MTUS1: variants seen among roughly 807,000 people sequenced by gnomAD.
MTUS1 encodes microtubule-associated tumor suppressor 1.
In MTUS1, 109 loss-of-function variants were observed where a neutral mutation model predicts 120.8. The observed-to-expected ratio is 0.90, with a 90% CI of 0.77 to 1.06. The LOEUF (loss-of-function observed/expected upper bound fraction) is 1.06. MTUS1 is among the 50% of genes least tolerant of loss of function. The pLI is 0.00. For synonymous variants in MTUS1, 737 were observed against 550.5 expected (o/e 1.34, Z -4.74); for missense variants, 2,210 against 1,486.3 (o/e 1.49, Z -8.01).
chr8:17,650,014 T>TTCTGTTAAGAATTTG, intron 12 of MTUS1, 52 bp from the exon 13 acceptor site: 1 of 942,154 alleles, frequency 1.1e-6, no homozygotes, highest in Non-Finnish European at 1.7e-6. Flanking sequence ...TTCAAATTCT[T>TTCTGTTAAGAATTTG]AACAGAAAGA....
At chr8:17,669,438 C>G (rs1044001188) in intron 8 of MTUS1, among the ~76,000 whole-genome samples, 5 of 151,606 alleles carry the variant, frequency 3.3e-5, no homozygotes, top group Admixed American at 3.3e-4. Context: ...GAAAGAGTGC[C>G]TAGACGTGAA....
At chr8:17,787,009 G>A (rs1273560603) in intron 1 of MTUS1, among the ~76,000 whole-genome samples, 1 of 152,218 alleles carries the variant, frequency 6.6e-6, no homozygotes, top group Non-Finnish European at 1.5e-5. Flanking sequence ...GACAAGCATT[G>A]TGGAGTGAGG....
upstream of MTUS1, chr8:17,801,342 C>G (rs1039030778): frequency 5.3e-5 from 8 of 151,878 alleles, no homozygotes; most frequent in African/African-American, 1.9e-4. Context: ...GCCTCCCGCC[C>G]CAACCCGGGG....
At chr8:17,674,388 C>G in intron 8 of MTUS1, 1 of 854,256 alleles carries the variant, frequency 1.2e-6, no homozygotes, top group Non-Finnish European at 1.4e-6. Flanking sequence ...CCACTGCACT[C>G]CAGTCTGGTG....
intron 1 of MTUS1, among the ~76,000 whole-genome samples, chr8:17,796,457 G>C (rs906784170): frequency 3.3e-5 from 5 of 152,266 alleles, no homozygotes; most frequent in East Asian, 1.9e-4. Context: ...TTCCAAGTTC[G>C]ACCTTGTTCA....
Position 17,723,439 on chromosome 8 carries a change from G to A in MTUS1, c.2449+233C>T, listed in dbSNP as rs377081382. On this transcript the variant is annotated intron_variant, in intron 4 of 14. Transcript: ENST00000693296. ...AAACCTCCAAAACACCATCACTTCA[G>A]ACGATGCACTTTCGAATCCTTCATG... is the stretch of plus-strand genomic sequence containing the variant. 9 of 566,306 alleles carry A rather than the reference G, an allele frequency of 1.6e-5. No individual in the cohort carries two copies. In the African/African-American group the frequency reaches 1.7e-4, roughly 11 times the overall value. 35.1% of individuals were successfully genotyped at this position (566,306 alleles called of 1,614,324 possible).
At chr8:17,684,807 C>G (rs996642072) in intron 6 of MTUS1, among the ~76,000 whole-genome samples, 23 of 152,096 alleles carry the variant, frequency 1.5e-4, no homozygotes, top group Non-Finnish European at 2.9e-5. Flanking sequence ...TTTGGCAACC[C>G]AGAAACACAA....
intron 8 of MTUS1, among the ~76,000 whole-genome samples, chr8:17,673,179 G>A (rs945436789): frequency 1.3e-5 from 2 of 152,192 alleles, no homozygotes; most frequent in East Asian, 1.9e-4. Flanking sequence ...AATCATAAGG[G>A]CTGCTGTCAA....
chr8:17,728,960 A>G (rs1042462469), intron 3 of MTUS1, among the ~76,000 whole-genome samples: 1 of 152,212 alleles, frequency 6.6e-6, no homozygotes, highest in Non-Finnish European at 1.5e-5. Context: ...AAGATTATTG[A>G]GGTCCATTTG....
At chr8:17,735,080 G>C (rs1022242983) in intron 3 of MTUS1, among the ~76,000 whole-genome samples, 3 of 152,006 alleles carry the variant, frequency 2.0e-5, no homozygotes, top group Non-Finnish European at 4.4e-5. Context: ...CACTGGGCCT[G>C]TCTCTTATAT....
intron 6 of MTUS1, chr8:17,708,849 C>G (rs1820677485): frequency 6.6e-6 from 1 of 152,098 alleles, no homozygotes; most frequent in South Asian, 2.1e-4. Context: ...GTTACGAATT[C>G]TGAGATAGCT....
At chr8:17,740,009 C>T (rs143552885) in intron 3 of MTUS1, among the ~76,000 whole-genome samples, 2,521 of 152,174 alleles carry the variant, frequency 0.017, 34 homozygotes, top group South Asian at 0.044. Flanking sequence ...AGTTCGAGAC[C>T]GGCCTGGCCA....
At chr8:17,685,476 TA>T (rs576891616) in intron 6 of MTUS1, among the ~76,000 whole-genome samples, 5,207 of 135,922 alleles carry the variant, frequency 0.038, 169 homozygotes, top group South Asian at 0.16. Context: ...CACAAGAAAC[TA>T]AAAAAAAAAA....
intron 4 of MTUS1, chr8:17,722,006 AAAT>A: frequency 1.5e-5 from 22 of 1,427,980 alleles, no homozygotes; most frequent in Admixed American, 8.4e-5. Flanking sequence ...AAAAAAAAAA[AAAT>A]GCGTAAGCTC....
Position 17,754,682 on chromosome 8 carries a change from C to A in MTUS1, c.1126G>T (p.Asp376Tyr), listed in dbSNP as rs377257691. ...TTTCCTTTGGAGACCATTTGTGTGT[C>A]TTCAGTCTCAGTGACTTTATGCTCT... The part of the protein sequence containing the change: ...NPEHKVTETE[D>Y]TQMVSKGKDL... Residue 376 changes from aspartate to tyrosine, a missense_variant, in exon 2 of 15, where the codon GAC (aspartate) becomes TAC (tyrosine). Asp to Tyr is a radical substitution (Grantham distance 160). Transcript: ENST00000693296. The A allele has an allele frequency of 6.2e-7, 1 of 1,614,206 alleles. No homozygotes were observed. Among genetic ancestry groups the A allele is most frequent in the South Asian group, 1.1e-5 (1 of 91,088 alleles).
chr8:17,725,738 C>G (rs1050428077), intron 3 of MTUS1, among the ~76,000 whole-genome samples: 5 of 152,194 alleles, frequency 3.3e-5, no homozygotes, highest in Non-Finnish European at 7.3e-5. Flanking sequence ...TAACCCAATA[C>G]AAATTCATAA....
At chr8:17,769,211 T>C (rs1204479587) in intron 1 of MTUS1, among the ~76,000 whole-genome samples, 1 of 144,824 alleles carries the variant, frequency 6.9e-6, no homozygotes, top group Admixed American at 7.2e-5. Context: ...CTCAAGTTCA[T>C]TCCAAAAAAT....
chr8:17,774,993 A>AAC (rs71215271), intron 1 of MTUS1, among the ~76,000 whole-genome samples: 4 of 148,618 alleles, frequency 2.7e-5, no homozygotes, highest in Non-Finnish European at 5.9e-5. Flanking sequence ...AAAAAAAAAA[A>AAC]CCAGAAAAGG....
intron 2 of MTUS1, among the ~76,000 whole-genome samples, chr8:17,752,402 T>C (rs1185942916): frequency 6.6e-6 from 1 of 152,174 alleles, no homozygotes; most frequent in Middle Eastern, 3.2e-3. Context: ...AAATTATAAA[T>C]GATATCGGTT....
Sources: allele counts gnomAD v4.1 joint callset (sites outside exome capture counted in the v4.1 genomes callset), GRCh38; gene constraint gnomAD v4.1.1; transcripts MANE v1.5; gene names NCBI Gene and HGNC (gene_info 2026-07-23, HGNC 2026-07-21).